Variants in ERMP1 observed in about 807,000 individuals in gnomAD.
ERMP1 encodes the protein endoplasmic reticulum metallopeptidase 1.
Under a neutral mutation model 92.0 loss-of-function variants are expected in ERMP1, and 86 were observed. The observed-to-expected ratio is 0.93, with a 90% CI of 0.79 to 1.12. The LOEUF (loss-of-function observed/expected upper bound fraction) is 1.12. Ranked by LOEUF, ERMP1 falls within the 50% of genes most tolerant of loss-of-function variation. The pLI, the probability that ERMP1 is intolerant of heterozygous loss-of-function variation, is 0.00. For missense variants in ERMP1, 1,342 were observed against 1,116.3 expected, an observed-to-expected ratio of 1.20 and a Z score of -2.88; for synonymous variants, 530 against 412.8, an observed-to-expected ratio of 1.28 and a Z score of -3.44.
intron 13 of ERMP1, among the ~76,000 whole-genome samples, chr9:5,791,020 A>G (rs993819335): frequency 6.6e-6 from 1 of 152,216 alleles, no homozygotes; most frequent in Admixed American, 6.5e-5. Context: ...GGGAAAAGTG[A>G]TATTTAAAAA....
chr9:5,866,824 C>T (rs1329545010), intron 5 of ERMP1, among the ~76,000 whole-genome samples: 2 of 152,132 alleles, frequency 1.3e-5, no homozygotes, highest in Non-Finnish European at 2.9e-5. Context: ...GCTTCCTGTT[C>T]CTTTTCTATT....
intron 6 of ERMP1, chr9:5,856,116 A>G: frequency 5.5e-6 from 2 of 360,544 alleles, no homozygotes; most frequent in Non-Finnish European, 1.1e-5. Flanking sequence ...ATCTTCAAAC[A>G]GATCACTAAA....
chr9:5,820,615 A>C (rs890038198), intron 4 of ERMP1, among the ~76,000 whole-genome samples: 11 of 152,212 alleles, frequency 7.2e-5, no homozygotes, highest in Non-Finnish European at 1.3e-4. Flanking sequence ...TGATTATTCT[A>C]GTCACTAAAA....
chr9:5,816,926 T>C (rs1183518237), intron 4 of ERMP1, among the ~76,000 whole-genome samples: 1 of 144,626 alleles, frequency 6.9e-6, no homozygotes, highest in African/African-American at 2.6e-5. Context: ...GGTGACAGAG[T>C]CTCGCTCTGT....
chr9:5,847,913 G>GA (rs71487839), intron 6 of ERMP1, among the ~76,000 whole-genome samples: 5,069 of 130,286 alleles, frequency 0.039, 241 homozygotes, highest in African/African-American at 0.11. Flanking sequence ...AAAAAGACAG[G>GA]AAAAAAAAAA....
At chr9:5,855,975 G>A (rs1586842608) in intron 6 of ERMP1, 2 of 289,988 alleles carry the variant, frequency 6.9e-6, no homozygotes, top group East Asian at 1.1e-4. Flanking sequence ...TCTTCCTGCT[G>A]GACTAATGGT....
At chr9:5,789,220 T>A (rs1488056718) in intron 13 of ERMP1, among the ~76,000 whole-genome samples, 2 of 151,946 alleles carry the variant, frequency 1.3e-5, no homozygotes. Context: ...AGACATAACC[T>A]AGTAAAACTA....
Position 5,833,065 on chromosome 9 carries a change from C to T in ERMP1, c.-38G>A. ...CAGCTGCCAGCCCAACCGCCCCAAC[C>T]CGCGACAGCCCCGGCCGCCGCCGAC... On this transcript the variant is annotated 5_prime_UTR_variant, in exon 1 of 15. Transcript: ENST00000339450. The T allele has an allele frequency of 9.2e-6, 13 of 1,412,220 alleles. No homozygotes were observed. The highest frequency in any genetic ancestry group is 1.2e-5 in the Non-Finnish European group (13 of 1,092,458). 87.5% of individuals were successfully genotyped at this position (1,412,220 alleles called of 1,614,324 possible).
intron 5 of ERMP1, among the ~76,000 whole-genome samples, chr9:5,861,199 G>GTGTGTA (rs1554630236): frequency 6.8e-6 from 1 of 146,546 alleles, no homozygotes; most frequent in African/African-American, 2.6e-5. Flanking sequence ...GTGTGTGTGT[G>GTGTGTA]TGTGTGTGTG....
upstream of ERMP1, among the ~76,000 whole-genome samples, chr9:5,836,931 C>A (rs1019286984): frequency 2.6e-5 from 4 of 152,096 alleles, no homozygotes; most frequent in African/African-American, 9.7e-5. Flanking sequence ...TACTTTTAAC[C>A]CCCCCTCAAA....
intron 6 of ERMP1, among the ~76,000 whole-genome samples, chr9:5,858,253 A>T (rs1377220881): frequency 6.6e-6 from 1 of 152,058 alleles, no homozygotes; most frequent in Non-Finnish European, 1.5e-5. Context: ...AAATGATGAG[A>T]GATGAAGGCA....
rs1177405298 is a variant in ERMP1 at position 5,784,954 on chromosome 9, ACT to A, written c.*2188_*2189del. ...CCTTTTAGAAATTATTTAAATGATC[ACT>A]CTTTAAAAATTTTTTTTAATCTCAG... On this transcript the variant is annotated 3_prime_UTR_variant, in exon 15 of 15. Transcript: ENST00000339450. 6.6e-6 allele frequency: 1 copy of A among 152,072 alleles called. No individual in the cohort carries two copies. The highest frequency in any genetic ancestry group is 2.4e-5 in the African/African-American group (1 of 41,368). 9.4% of individuals were successfully genotyped at this position (152,072 alleles called of 1,614,324 possible).
At chr9:5,842,079 G>A (rs1242859309) in intron 6 of ERMP1, among the ~76,000 whole-genome samples, 2 of 152,080 alleles carry the variant, frequency 1.3e-5, no homozygotes, top group Non-Finnish European at 2.9e-5. Context: ...GACCCAAAGA[G>A]TGAGCAGCAG....
chr9:5,825,786 A>C (rs934478858), intron 2 of ERMP1, among the ~76,000 whole-genome samples: 2 of 152,204 alleles, frequency 1.3e-5, no homozygotes, highest in African/African-American at 2.4e-5. Flanking sequence ...AAGTCACAGG[A>C]AAGGAGACTA....
In ERMP1 at chr9:5,811,122, G is replaced by C. The variant is rs749193439; in HGVS notation, c.1316C>G (p.Pro439Arg). 4 of 1,612,046 alleles carry C rather than the reference G, an allele frequency of 2.5e-6. No individual in the cohort carries two copies. The highest frequency in any genetic ancestry group is 1.7e-5 in the Admixed American group (1 of 59,980). The change falls in exon 7 of 15, where the codon CCC becomes CGC. Residue 439 changes from proline (P) to arginine (R), a missense_variant. By Grantham distance (103) the Pro-to-Arg change is moderately radical. Transcript: ENST00000339450. Reference sequence around the variant, plus strand: ...AGGAAAATACTTACTCTTATGTTTGGGCTGCAAAAATTTTTTGCCCAGGTA... The same window carrying C: ...AGGAAAATACTTACTCTTATGTTTGCGCTGCAAAAATTTTTTGCCCAGGTA... ...VLYLGKKFLQ[P>R]KHKTGNYKKD...
In ERMP1 at chr9:5,786,684, A is replaced by AGT. The variant is rs1349540095; in HGVS notation, c.*458_*459dup. The AGT allele has an allele frequency of 1.9e-5, 3 of 161,724 alleles. No individual in the cohort carries two copies. Among genetic ancestry groups the AGT allele is most frequent in the Non-Finnish European group, 2.7e-5 (2 of 73,382 alleles). The allele number at this position is 161,724 out of a possible 1,614,324, so 10.0% of individuals were successfully genotyped here. On this transcript the variant is annotated 3_prime_UTR_variant, in exon 15 of 15. Coordinates refer to ENST00000339450, the MANE Select transcript of ERMP1 (RefSeq NM_024896.3). Reference sequence around the variant, plus strand: ...AATCACTTTCCAGTGACCTACACAGAGTTATATTCTCAAGGGGAATCATTA... The same window carrying AGT: ...AATCACTTTCCAGTGACCTACACAGAGTGTTATATTCTCAAGGGGAATCATTA...
intron 4 of ERMP1, among the ~76,000 whole-genome samples, chr9:5,819,867 G>A (rs1324290878): frequency 6.6e-6 from 1 of 152,166 alleles, no homozygotes; most frequent in Non-Finnish European, 1.5e-5. Flanking sequence ...CTAGGGATGG[G>A]GGAAAATGGG....
rs557129534 is a variant in ERMP1, at chr9:5,827,352, G to T, written c.641-2133C>A. ...GACACTAACACTAACAATCACTGAT[G>T]AGCTAAAAAATAAAATAAAAATTGA... On this transcript the variant is annotated intron_variant, in intron 2 of 14. Transcript: ENST00000339450. Among the ~76,000 whole-genome samples, 4 of 152,088 alleles carry T rather than the reference G, an allele frequency of 2.6e-5. No individual in the cohort carries two copies. In the East Asian group the frequency reaches 7.7e-4, roughly 29 times the overall value.
chr9:5,854,823 G>A (rs1276940479), intron 6 of ERMP1, among the ~76,000 whole-genome samples: 3 of 152,102 alleles, frequency 2.0e-5, no homozygotes, highest in Non-Finnish European at 2.9e-5. Context: ...CACCACACCC[G>A]GCCTGGTCTT....
Sources: allele counts gnomAD v4.1 joint callset (sites outside exome capture counted in the v4.1 genomes callset), GRCh38; gene constraint gnomAD v4.1.1; transcripts MANE v1.5; gene names NCBI Gene and HGNC (gene_info 2026-07-23, HGNC 2026-07-21).